The following PEX1 variants were observed in gnomAD, a reference collection of about 807,000 sequenced individuals.
PEX1 encodes the protein peroxisomal ATPase PEX1.
In PEX1, 97 loss-of-function variants were observed where a neutral mutation model predicts 152.5. The ratio of observed to expected loss-of-function variants is 0.64; its 90% CI spans 0.54 to 0.75. PEX1 has a LOEUF of 0.75. Among genes scored for constraint, PEX1 ranks in the 30% least tolerant of loss-of-function variants. The probability of loss-of-function intolerance (pLI) is 0.00; values close to 1 mark genes in which losing one functional copy is unlikely to be tolerated. For missense variants in PEX1, 1,357 were observed against 1,516.3 expected, an observed-to-expected ratio of 0.89 and a Z score of 1.74; for synonymous variants, 485 against 531.6, an observed-to-expected ratio of 0.91 and a Z score of 1.21.
At position 92,517,299 on chromosome 7, in the gene PEX1, C is replaced by G. The variant is rs1397269785; in HGVS notation, c.1216G>C (p.Val406Leu). 1 of 1,613,810 alleles carries G rather than the reference C, an allele frequency of 6.2e-7. No homozygotes were observed. Among genetic ancestry groups the G allele is most frequent in the South Asian group, 1.1e-5 (1 of 91,028 alleles). Residue 406 changes from valine (V) to leucine (L), a missense_variant, in exon 5 of 24, where the codon GTT becomes CTT. By Grantham distance (32) the Val-to-Leu change is conservative. Transcript: ENST00000248633. ...ACCCAGACTTTCCCAAGATGGAGAA[C>G]TTCTACATTTTTGGTATATTTGATG... ...NAIKYTKNVEVLHLGKVWIPD... is the reference protein window; with the variant it reads ...NAIKYTKNVELLHLGKVWIPD...
At chr7:92,516,014 AAGAGAAGAG>A (rs1562864622) in intron 5 of PEX1, among the ~76,000 whole-genome samples, 13 of 67,710 alleles carry the variant, frequency 1.9e-4, no homozygotes, top group African/African-American at 5.5e-4. Context: ...AAGAAAAGAG[AAGAGAAGAG>A]AAGAGAAGAG....
In PEX1 at chr7:92,509,972, C is replaced by T. The variant is rs140794113; in HGVS notation, c.1588-561G>A. On this transcript the variant is annotated intron_variant, in intron 8 of 23. Coordinates refer to ENST00000248633, the MANE Select transcript of PEX1 (RefSeq NM_000466.3). ...CAGCCTGGCCAACATGGTGAAATCT[C>T]GTCTCTACTAAAACTACAAAAAATA... Among the ~76,000 whole-genome samples, 1,113 of 151,930 alleles carry T rather than the reference C, an allele frequency of 7.3e-3. 15 individuals carry two copies. The highest frequency in any genetic ancestry group is 0.026 in the African/African-American group (1,056 of 41,388).
At chr7:92,497,807 C>T (rs1335522732) in intron 16 of PEX1, among the ~76,000 whole-genome samples, 2 of 152,112 alleles carry the variant, frequency 1.3e-5, no homozygotes, top group Admixed American at 6.5e-5. Context: ...CGGTGGTTCT[C>T]GCCTGTAATC....
chr7:92,496,344 G>A (rs1313795478), intron 17 of PEX1, among the ~76,000 whole-genome samples: 2 of 151,864 alleles, frequency 1.3e-5, no homozygotes, highest in Non-Finnish European at 2.9e-5. Context: ...ATGGACTCTT[G>A]ACTTATAAGA....
chr7:92,509,433 A>G, intron 8 of PEX1, 22 bp from the exon 9 acceptor site: 2 of 1,539,068 alleles, frequency 1.3e-6, no homozygotes, highest in Non-Finnish European at 1.8e-6. Flanking sequence ...AGGAAAAATC[A>G]GTTTTACATT....
At chr7:92,527,627 G>A (rs1793343123) in intron 1 of PEX1, among the ~76,000 whole-genome samples, 1 of 152,170 alleles carries the variant, frequency 6.6e-6, no homozygotes, top group Admixed American at 6.5e-5. Context: ...GCCCCCATAA[G>A]TACACTCAAA....
chr7:92,498,370 A>G (rs1452257312), intron 16 of PEX1, among the ~76,000 whole-genome samples: 1 of 151,870 alleles, frequency 6.6e-6, no homozygotes, highest in African/African-American at 2.4e-5. Flanking sequence ...CTGTAATCCC[A>G]GCTACTCGGG....
At chr7:92,505,316 G>A (rs1257605892) in intron 11 of PEX1, among the ~76,000 whole-genome samples, 1 of 151,748 alleles carries the variant, frequency 6.6e-6, no homozygotes, top group Non-Finnish European at 1.5e-5. Flanking sequence ...GGGAGGTTGA[G>A]GCACGAGAAT....
rs559517277 is a variant in PEX1 at position 92,510,650 on chromosome 7, T to G, written c.1587+294A>C. Among the ~76,000 whole-genome samples the G allele has an allele frequency of 1.8e-3, 280 of 152,250 alleles. 1 individual carries two copies. The highest frequency in any genetic ancestry group is 3.4e-3 in the Middle Eastern group (1 of 294). On this transcript the variant is annotated intron_variant, in intron 8 of 23. Coordinates refer to ENST00000248633, the MANE Select transcript of PEX1 (RefSeq NM_000466.3). ...CCCTTAAAACTACGTTTTCATTTGT[T>G]TCAATCCTAGAAGAATTTTAAATCA...
rs368326503 is a variant in PEX1 at position 92,528,454 on chromosome 7, T to C, written c.-19A>G. The C allele has an allele frequency of 5.3e-4, 834 of 1,570,834 alleles. No homozygotes were observed. The highest frequency in any genetic ancestry group is 6.8e-4 in the Non-Finnish European group (786 of 1,160,732). On this transcript the variant is annotated 5_prime_UTR_variant, in exon 1 of 24. Transcript: ENST00000248633. ...CCCACATCGTCCCGGAGCGTCGCTC[T>C]GGGTTCGCCCACCCTAGCGCCGCAA...
Position 92,506,673 on chromosome 7 carries a change from T to G in PEX1, c.1803+321A>C, listed in dbSNP as rs1219595458. On this transcript the variant is annotated intron_variant, in intron 10 of 23. Coordinates refer to ENST00000248633, the MANE Select transcript of PEX1 (RefSeq NM_000466.3). ...AACTACGTGGTATTTATCACAGGTA[T>G]GCAAGGCTGGTTCAACATTTGTAAG... The G allele has an allele frequency of 8.1e-6, 4 of 495,922 alleles. No individual in the cohort carries two copies. The Admixed American group carries it at 1.3e-4, about 17-fold the overall frequency. 30.7% of individuals were successfully genotyped at this position (495,922 alleles called of 1,614,324 possible).
chr7:92,520,015 ATTC>A (rs747072590), intron 2 of PEX1, among the ~76,000 whole-genome samples: 12 of 152,306 alleles, frequency 7.9e-5, no homozygotes, highest in Admixed American at 2.6e-4. Context: ...GAAAAGGATG[ATTC>A]TGAGCAAGCA....
intron 9 of PEX1, 145 bp from the exon 10 acceptor site, chr7:92,507,271 C>A (rs980271302): frequency 1.0e-5 from 7 of 667,280 alleles, no homozygotes; most frequent in Non-Finnish European, 1.7e-5. Context: ...AAGGGGCTTG[C>A]TGTGTCATCC....
chr7:92,528,209 C>T (rs1451862606), intron 1 of PEX1, 98 bp downstream of exon 1: 11 of 1,499,246 alleles, frequency 7.3e-6, no homozygotes, highest in Non-Finnish European at 9.9e-6. Flanking sequence ...GCTTCGGCGG[C>T]GCCCGGGTGG....
chr7:92,518,673 G>A (rs747804338), intron 3 of PEX1, among the ~76,000 whole-genome samples: 5 of 152,140 alleles, frequency 3.3e-5, no homozygotes, highest in Non-Finnish European at 7.4e-5. Flanking sequence ...GGGCTCAAGC[G>A]ATTCTCCTGC....
At chr7:92,491,168 C>G (rs897941633) in intron 21 of PEX1, 104 bp downstream of exon 21, 1 of 787,160 alleles carries the variant, frequency 1.3e-6, no homozygotes, top group Admixed American at 2.0e-5. Context: ...AACCAACCAA[C>G]CAGGAAGAAT....
In PEX1 at chr7:92,489,341, T is replaced by C; in HGVS notation, c.3719A>G (p.His1240Arg). ...ATCTTCACTAATGGATGGTCTTGTG[T>C]GACCAAGTGCAGTCATTAAATGTGA... Reference protein sequence around the residue: ...SQSHLMTALGHTRPSISEDDW... With the variant: ...SQSHLMTALGRTRPSISEDDW... The change falls in exon 23 of 24, where the codon CAC (histidine) becomes CGC (arginine). Residue 1240 changes from histidine to arginine, a missense_variant. Coordinates refer to ENST00000248633, the MANE Select transcript of PEX1 (RefSeq NM_000466.3). 6.2e-7 allele frequency: 1 copy of C among 1,613,316 alleles called. No individual in the cohort carries two copies. Among genetic ancestry groups the C allele is most frequent in the Non-Finnish European group, 8.5e-7 (1 of 1,179,344 alleles).
chr7:92,516,055 A>AGAGAAAAAAGAAAAGAAAAGAAAAG (rs1321793051), intron 5 of PEX1, among the ~76,000 whole-genome samples: 8 of 85,792 alleles, frequency 9.3e-5, no homozygotes, highest in East Asian at 3.8e-4. Context: ...AGAGAAGAGA[A>AGAGAAAAAAGAAAAGAAAAGAAAAG]AAAAGAAAAG....
chr7:92,518,941 T>C (rs1049005918), intron 3 of PEX1, 54 bp downstream of exon 3: 25 of 1,160,910 alleles, frequency 2.2e-5, no homozygotes, highest in Middle Eastern at 1.9e-4. Context: ...AAGACATTGA[T>C]ATTGTGAAGT....
Sources: allele counts gnomAD v4.1 joint callset (sites outside exome capture counted in the v4.1 genomes callset), GRCh38; gene constraint gnomAD v4.1.1; transcripts MANE v1.5; gene names NCBI Gene and HGNC (gene_info 2026-07-23, HGNC 2026-07-21).